The following DNAJC1 variants were observed in gnomAD, a reference collection of about 807,000 sequenced individuals.
DNAJC1 encodes the protein dnaJ homolog subfamily C member 1.
In DNAJC1, 58 loss-of-function variants were observed where a neutral mutation model predicts 76.6. The ratio of observed to expected loss-of-function variants is 0.76; its 90% CI spans 0.61 to 0.94. DNAJC1 has a LOEUF of 0.94. Among genes scored for constraint, DNAJC1 ranks in the 40% least tolerant of loss-of-function variants. DNAJC1 has a pLI of 0.00. For missense variants in DNAJC1, 689 were observed against 677.3 expected (o/e 1.02, Z -0.19); for synonymous variants, 258 against 267.9 (o/e 0.96, Z 0.36).
intron 8 of DNAJC1, among the ~76,000 whole-genome samples, chr10:21,856,519 T>C (rs965212434): frequency 1.3e-5 from 2 of 152,160 alleles, no homozygotes; most frequent in Admixed American, 6.6e-5. Flanking sequence ...CGTTGATAGC[T>C]TGAAATCAGC....
intron 1 of DNAJC1, among the ~76,000 whole-genome samples, chr10:21,981,301 T>G (rs1175407541): frequency 6.6e-6 from 1 of 152,202 alleles, no homozygotes; most frequent in Non-Finnish European, 1.5e-5. Context: ...TTCTGAATGA[T>G]AATTCTATCA....
intron 1 of DNAJC1, among the ~76,000 whole-genome samples, chr10:21,977,779 A>G (rs1320046282): frequency 1.3e-5 from 2 of 152,136 alleles, no homozygotes; most frequent in Non-Finnish European, 2.9e-5. Flanking sequence ...TTAAATCCCC[A>G]CTTCCCCACC....
At chr10:21,758,275 G>T (rs936046683) in intron 11 of DNAJC1, among the ~76,000 whole-genome samples, 1 of 152,208 alleles carries the variant, frequency 6.6e-6, no homozygotes, top group Non-Finnish European at 1.5e-5. Context: ...CACAGACAGC[G>T]GAAGAGATCG....
At chr10:21,852,374 T>C (rs549896272) in intron 8 of DNAJC1, among the ~76,000 whole-genome samples, 1 of 152,128 alleles carries the variant, frequency 6.6e-6, no homozygotes, top group South Asian at 2.1e-4. Flanking sequence ...TGAGGTGATA[T>C]CATGTTTTGG....
intron 1 of DNAJC1, among the ~76,000 whole-genome samples, chr10:21,937,314 G>T (rs138278479): frequency 1.3e-5 from 2 of 152,122 alleles, no homozygotes; most frequent in African/African-American, 4.8e-5. Context: ...AAGAGAGCTG[G>T]TAGCTATACC....
rs1398992560 is a variant in DNAJC1 at position 21,929,067 on chromosome 10, AT to A, written c.296del (p.Asp99ValfsTer18). ...GTCTAAACTGAGTTTCTGCATTTTC[AT>A]CTTTATTCTTGTCTGGATGTAAAGT... ...SLTLHPDKNK[D>X]ENAETQFRQL... is the part of the protein sequence containing the mutation. On this transcript the variant is annotated frameshift_variant, in exon 2 of 12. Transcript: ENST00000376980. LOFTEE classifies it high-confidence loss of function. 1.9e-6 allele frequency: 3 copies of A among 1,610,764 alleles called. No individual in the cohort carries two copies. The highest frequency in any genetic ancestry group is 2.5e-6 in the Non-Finnish European group (3 of 1,178,900).
intron 8 of DNAJC1, among the ~76,000 whole-genome samples, chr10:21,871,496 A>C (rs1445415865): frequency 6.6e-6 from 1 of 152,136 alleles, no homozygotes; most frequent in Non-Finnish European, 1.5e-5. Flanking sequence ...GTGGCTACAC[A>C]TAACAAAAAA....
At chr10:21,798,520 C>T (rs1225611096) in intron 9 of DNAJC1, among the ~76,000 whole-genome samples, 1 of 152,228 alleles carries the variant, frequency 6.6e-6, no homozygotes, top group Non-Finnish European at 1.5e-5. Flanking sequence ...AAACCCCAGA[C>T]ATGCTCTTGC....
intron 9 of DNAJC1, among the ~76,000 whole-genome samples, chr10:21,795,291 C>A (rs1036947919): frequency 6.6e-6 from 1 of 152,124 alleles, no homozygotes; most frequent in Non-Finnish European, 1.5e-5. Context: ...TATTTATGCA[C>A]ACAAATATTG....
intron 1 of DNAJC1, among the ~76,000 whole-genome samples, chr10:21,988,803 A>C (rs914383801): frequency 2.6e-5 from 4 of 152,188 alleles, no homozygotes; most frequent in Non-Finnish European, 5.9e-5. Context: ...AATTATCTGC[A>C]TATAATTTAA....
intron 9 of DNAJC1, among the ~76,000 whole-genome samples, chr10:21,789,028 G>GC (rs1589980980): frequency 6.6e-6 from 1 of 151,982 alleles, no homozygotes; most frequent in Admixed American, 6.6e-5. Context: ...TAGGACTCCA[G>GC]CCCCACAGCT....
At chr10:21,776,316 C>T (rs1834454010) in intron 9 of DNAJC1, among the ~76,000 whole-genome samples, 1 of 152,160 alleles carries the variant, frequency 6.6e-6, no homozygotes, top group African/African-American at 2.4e-5. Context: ...ATATTTCTGG[C>T]ACCTTCAGGT....
At position 21,869,549 on chromosome 10, in the gene DNAJC1, C is replaced by T. The variant is rs1022019873; in HGVS notation, c.978+12733G>A. ...AAACCAAGTTGTAACTCAACCACCTCGGGCACCTGTTCTCAGGACCTCCTG... is the reference window on the plus strand; with the variant it reads ...AAACCAAGTTGTAACTCAACCACCTTGGGCACCTGTTCTCAGGACCTCCTG... On this transcript the variant is annotated intron_variant, in intron 8 of 11. Coordinates refer to ENST00000376980, the MANE Select transcript of DNAJC1 (RefSeq NM_022365.4). Among the ~76,000 whole-genome samples the T allele has an allele frequency of 1.4e-4, 21 of 152,080 alleles. 1 individual carries two copies. Among genetic ancestry groups the T allele is most frequent in the African/African-American group, 2.7e-4 (11 of 41,342 alleles).
intron 6 of DNAJC1, among the ~76,000 whole-genome samples, chr10:21,911,057 AAGGAAGGAAGG>A (rs1836852424): frequency 7.2e-6 from 1 of 138,274 alleles, no homozygotes; most frequent in Non-Finnish European, 1.6e-5. Context: ...GGAAGGAAGG[AAGGAAGGAAGG>A]AAGGAAGGAA....
At chr10:21,915,673 T>C (rs1301689627) in intron 6 of DNAJC1, among the ~76,000 whole-genome samples, 1 of 152,334 alleles carries the variant, frequency 6.6e-6, no homozygotes, top group South Asian at 2.1e-4. Context: ...GTGGTAGTTA[T>C]ACTTGTTATT....
intron 1 of DNAJC1, among the ~76,000 whole-genome samples, chr10:21,979,294 C>A (rs768013784): frequency 6.6e-6 from 1 of 151,918 alleles, no homozygotes; most frequent in Non-Finnish European, 1.5e-5. Flanking sequence ...CAAGAAGCTG[C>A]AAAGACATTT....
intron 7 of DNAJC1, among the ~76,000 whole-genome samples, chr10:21,897,650 T>C (rs1836565241): frequency 6.6e-6 from 1 of 152,210 alleles, no homozygotes; most frequent in South Asian, 2.1e-4. Context: ...TACAAAACCA[T>C]CCCCCACTGC....
At chr10:21,975,719 T>C (rs935496359) in intron 1 of DNAJC1, among the ~76,000 whole-genome samples, 2 of 152,238 alleles carry the variant, frequency 1.3e-5, no homozygotes, top group African/African-American at 4.8e-5. Flanking sequence ...GTTACATGTA[T>C]TGATGAATTC....
In DNAJC1 at chr10:21,827,049, T is replaced by C. The variant is rs143077943; in HGVS notation, c.979-20950A>G. On this transcript the variant is annotated intron_variant, in intron 8 of 11. Transcript: ENST00000376980. ...ATGATTGCCCTGGGTAGTATTGTCATTTTAATAACATTAAGTCTTCCAATC... is the reference window on the plus strand; with the variant it reads ...ATGATTGCCCTGGGTAGTATTGTCACTTTAATAACATTAAGTCTTCCAATC... 3.4e-3 allele frequency among the ~76,000 whole-genome samples: 511 copies of C among 152,308 alleles called. 4 individuals carry two copies. The highest frequency in any genetic ancestry group is 0.012 in the African/African-American group (479 of 41,564).
Sources: allele counts gnomAD v4.1 joint callset (sites outside exome capture counted in the v4.1 genomes callset), GRCh38; gene constraint gnomAD v4.1.1; transcripts MANE v1.5; gene names NCBI Gene and HGNC (gene_info 2026-07-23, HGNC 2026-07-21).